The following LUZP2 variants were observed in gnomAD, a reference collection of about 807,000 sequenced individuals.
LUZP2 encodes the protein leucine zipper protein 2.
In LUZP2, 52 loss-of-function variants were observed where a neutral mutation model predicts 51.6. The ratio of observed to expected loss-of-function variants is 1.01; its 90% confidence interval spans 0.81 to 1.27. The LOEUF is 1.27. Among genes scored for constraint, LUZP2 ranks in the 50% most tolerant of loss-of-function variants. The pLI, the probability that LUZP2 is intolerant of heterozygous loss-of-function variation, is 0.00. For missense variants in LUZP2, 436 were observed against 395.4 expected, an observed-to-expected ratio of 1.10 and a Z score of -0.87; for synonymous variants, 154 against 137.3, an observed-to-expected ratio of 1.12 and a Z score of -0.85.
chr11:24,621,792 T>C (rs1334440180), intron 1 of LUZP2, among the ~76,000 whole-genome samples: 1 of 152,188 alleles, frequency 6.6e-6, no homozygotes, highest in African/African-American at 2.4e-5. Context: ...AAAACTCTTG[T>C]TCTTAACTGC....
chr11:24,509,384 G>A lies in LUZP2; in HGVS notation c.62+12079G>A, dbSNP rs377050664. On this transcript the variant is annotated intron_variant, in intron 1 of 11. Coordinates refer to ENST00000336930, the MANE Select transcript of LUZP2 (RefSeq NM_001009909.4). The stretch of plus-strand genomic sequence containing the variant: ...AACTCATTCATAGACTGATACACTT[G>A]CCTCGAAATTTGTATCTAAAAAAAG... Among the ~76,000 whole-genome samples, 100 of 151,408 alleles carry A rather than the reference G, an allele frequency of 6.6e-4. 2 individuals carry two copies. The South Asian group carries it at 0.02, about 30-fold the overall frequency.
In LUZP2 at chr11:25,064,751, A is replaced by G. The variant is rs564519341; in HGVS notation, c.859-12578A>G. On this transcript the variant is annotated intron_variant, in intron 10 of 11. Coordinates refer to ENST00000336930, the MANE Select transcript of LUZP2 (RefSeq NM_001009909.4). ...AAGACATGTTCTTTCCATTTTCCCA[A>G]TCTGCTCTCTCTCTTATCCTAGGCA... is the stretch of plus-strand genomic sequence containing the variant. Among the ~76,000 whole-genome samples, 5 of 152,028 alleles carry G rather than the reference A, an allele frequency of 3.3e-5. No homozygotes were observed. The East Asian group carries it at 5.8e-4, about 18-fold the overall frequency.
intron 3 of LUZP2, among the ~76,000 whole-genome samples, chr11:24,735,757 C>T (rs1042636143): frequency 3.3e-5 from 5 of 152,014 alleles, no homozygotes; most frequent in African/African-American, 1.2e-4. Flanking sequence ...CTATCTATCA[C>T]AGGTGTCACT....
chr11:24,874,889 G>T (rs2134276143), intron 5 of LUZP2, among the ~76,000 whole-genome samples: 1 of 152,140 alleles, frequency 6.6e-6, no homozygotes, highest in East Asian at 1.9e-4. Flanking sequence ...AATATTGATA[G>T]TTTTTTCCCA....
intron 9 of LUZP2, among the ~76,000 whole-genome samples, chr11:25,046,975 G>T (rs1453492366): frequency 6.6e-6 from 1 of 152,094 alleles, no homozygotes; most frequent in East Asian, 1.9e-4. Flanking sequence ...AATAATGGAT[G>T]TGTTTTATTT....
rs192714289 is a variant in LUZP2 at position 24,708,250 on chromosome 11, G to A, written c.63-20919G>A. On this transcript the variant is annotated intron_variant, in intron 1 of 11. Coordinates refer to ENST00000336930, the MANE Select transcript of LUZP2 (RefSeq NM_001009909.4). ...GTGAATATTCTTCCCTCAGCCTACT[G>A]ATTCAAATACTAATCTCTTCCACAA... is the stretch of plus-strand genomic sequence containing the variant. Among the ~76,000 whole-genome samples the A allele has an allele frequency of 2.9e-4, 44 of 152,264 alleles. No homozygotes were observed. The South Asian group carries it at 4.6e-3, about 16-fold the overall frequency.
At chr11:25,040,286 G>A (rs958191811) in intron 9 of LUZP2, among the ~76,000 whole-genome samples, 2 of 145,022 alleles carry the variant, frequency 1.4e-5, no homozygotes, top group African/African-American at 5.3e-5. Context: ...GTATATGTTA[G>A]CAAACTATAC....
chr11:24,888,578 A>C (rs1021906705), intron 5 of LUZP2, among the ~76,000 whole-genome samples: 3 of 152,176 alleles, frequency 2.0e-5, no homozygotes, highest in Non-Finnish European at 4.4e-5. Context: ...ATATTACACG[A>C]CATTTTTAGG....
intron 1 of LUZP2, among the ~76,000 whole-genome samples, chr11:24,728,274 T>C (rs543024762): frequency 6.6e-6 from 1 of 151,980 alleles, no homozygotes; most frequent in South Asian, 2.1e-4. Context: ...AGCTCCCTTC[T>C]ACACTTATTC....
intron 10 of LUZP2, among the ~76,000 whole-genome samples, chr11:25,061,569 G>A (rs1858838433): frequency 6.6e-6 from 1 of 152,028 alleles, no homozygotes; most frequent in African/African-American, 2.4e-5. Context: ...TGATTAATTT[G>A]CATATTTTAT....
At chr11:24,544,402 T>G (rs1409769471) in intron 1 of LUZP2, among the ~76,000 whole-genome samples, 1 of 152,094 alleles carries the variant, frequency 6.6e-6, no homozygotes, top group Admixed American at 6.6e-5. Flanking sequence ...TTAAGCCTAG[T>G]GCCCATTAGT....
At chr11:24,545,751 A>G (rs1467105459) in intron 1 of LUZP2, among the ~76,000 whole-genome samples, 1 of 151,670 alleles carries the variant, frequency 6.6e-6, no homozygotes, top group Non-Finnish European at 1.5e-5. Flanking sequence ...TTTGCTTAGG[A>G]TTGCCTTTGT....
At chr11:25,028,980 G>T (rs114829003) in intron 9 of LUZP2, among the ~76,000 whole-genome samples, 2 of 152,052 alleles carry the variant, frequency 1.3e-5, no homozygotes, top group Non-Finnish European at 2.9e-5. Context: ...AGCCAGGCAC[G>T]GAAAGACAAG....
chr11:24,801,228 A>G (rs1328148265), intron 5 of LUZP2, among the ~76,000 whole-genome samples: 1 of 152,078 alleles, frequency 6.6e-6, no homozygotes, highest in Non-Finnish European at 1.5e-5. Flanking sequence ...GTAAATTTTA[A>G]AATCATTGTT....
chr11:25,063,534 T>G (rs1044310716), intron 10 of LUZP2, among the ~76,000 whole-genome samples: 2 of 151,888 alleles, frequency 1.3e-5, no homozygotes, highest in Non-Finnish European at 2.9e-5. Context: ...AGTTTTTGTT[T>G]ATTGATATGT....
At chr11:24,805,482 C>T (rs1297307191) in intron 5 of LUZP2, among the ~76,000 whole-genome samples, 1 of 152,080 alleles carries the variant, frequency 6.6e-6, no homozygotes, top group Non-Finnish European at 1.5e-5. Flanking sequence ...TTGCGCCTGG[C>T]CAGAAGCAAC....
chr11:24,844,225 G>A (rs1483728867), intron 5 of LUZP2, among the ~76,000 whole-genome samples: 1 of 152,164 alleles, frequency 6.6e-6, no homozygotes, highest in African/African-American at 2.4e-5. Flanking sequence ...AGGCTGAGGT[G>A]GTCTCAGATG....
intron 5 of LUZP2, among the ~76,000 whole-genome samples, chr11:24,814,604 C>A (rs1402152011): frequency 1.3e-5 from 2 of 152,172 alleles, no homozygotes; most frequent in African/African-American, 2.4e-5. Context: ...ACCCACACAG[C>A]TAAAGTTCCA....
At chr11:24,874,905 G>T (rs1457936955) in intron 5 of LUZP2, among the ~76,000 whole-genome samples, 2 of 152,042 alleles carry the variant, frequency 1.3e-5, no homozygotes, top group African/African-American at 4.8e-5. Flanking sequence ...TCCCAAAATA[G>T]CTCTTCTCTC....
Sources: allele counts gnomAD v4.1 joint callset (sites outside exome capture counted in the v4.1 genomes callset), GRCh38; gene constraint gnomAD v4.1.1; transcripts MANE v1.5; gene names NCBI Gene and HGNC (gene_info 2026-07-23, HGNC 2026-07-21).